TOM1L1: variants seen among roughly 807,000 people sequenced by gnomAD.
The protein encoded by TOM1L1 is TOM1-like protein 1.
Under a neutral mutation model 63.4 loss-of-function variants are expected in TOM1L1, and 64 were observed. That is an observed-to-expected ratio of 1.01 (90% confidence interval 0.83 to 1.24). The LOEUF (loss-of-function observed/expected upper bound fraction) is 1.24. Among genes scored for constraint, TOM1L1 ranks in the 50% most tolerant of loss-of-function variants. The pLI is 0.00. For missense variants in TOM1L1, 536 were observed against 567.0 expected (o/e 0.95, Z 0.55); for synonymous variants, 166 against 194.4 (o/e 0.85, Z 1.22).
chr17:54,947,637 G>A (rs2049142002), intron 12 of TOM1L1, among the ~76,000 whole-genome samples: 1 of 152,158 alleles, frequency 6.6e-6, no homozygotes, highest in African/African-American at 2.4e-5. Context: ...AAATGACAAA[G>A]TTGATCACTT....
chr17:54,952,648 G>A (rs1425846177), intron 14 of TOM1L1: 3 of 151,960 alleles, frequency 2.0e-5, no homozygotes, highest in Non-Finnish European at 2.9e-5. Flanking sequence ...TTCCCCTGAG[G>A]TATTTATTCA....
At chr17:54,906,242 G>T (rs969387031) in intron 3 of TOM1L1, among the ~76,000 whole-genome samples, 2 of 152,182 alleles carry the variant, frequency 1.3e-5, no homozygotes, top group African/African-American at 4.8e-5. Flanking sequence ...GCCGAGGCAG[G>T]TGGATCACCT....
intron 2 of TOM1L1, among the ~76,000 whole-genome samples, chr17:54,904,241 G>C (rs1020532928): frequency 5.3e-5 from 8 of 152,028 alleles, no homozygotes; most frequent in Admixed American, 4.6e-4. Context: ...ATGGTGGCGG[G>C]TGCCTGTAGT....
intron 10 of TOM1L1, chr17:54,938,039 G>A (rs2048977751): frequency 6.6e-6 from 1 of 152,068 alleles, no homozygotes; most frequent in Non-Finnish European, 1.5e-5. Flanking sequence ...CTGAATTTGT[G>A]GTTTTCTTAG....
At chr17:54,914,773 A>T in intron 6 of TOM1L1, 30 bp downstream of exon 6, 1 of 1,532,696 alleles carries the variant, frequency 6.5e-7, no homozygotes, top group Non-Finnish European at 9.0e-7. Flanking sequence ...CATTTAATTG[A>T]TGTCTTTTCC....
chr17:54,960,479 T>G, intron 14 of TOM1L1, 87 bp from the exon 15 acceptor site: 3 of 975,048 alleles, frequency 3.1e-6, no homozygotes, highest in Non-Finnish European at 5.0e-6. Flanking sequence ...ACCAGCTCAA[T>G]TTTTAATTAC....
At chr17:54,945,590 TG>T (rs2049105179) in intron 11 of TOM1L1, among the ~76,000 whole-genome samples, 1 of 152,218 alleles carries the variant, frequency 6.6e-6, no homozygotes, top group Admixed American at 6.5e-5. Context: ...CTGTTTAGAT[TG>T]GACACTTTCT....
chr17:54,920,996 T>G (rs1442919197), intron 7 of TOM1L1, among the ~76,000 whole-genome samples: 2 of 151,518 alleles, frequency 1.3e-5, no homozygotes, highest in African/African-American at 2.4e-5. Context: ...GGGGCTGAGG[T>G]TTTTCTGATT....
chr17:54,957,360 G>T (rs2049567502), intron 14 of TOM1L1: 1 of 152,176 alleles, frequency 6.6e-6, no homozygotes, highest in Non-Finnish European at 1.5e-5. Flanking sequence ...ATATATCACT[G>T]ATCATATTAG....
intron 11 of TOM1L1, among the ~76,000 whole-genome samples, chr17:54,946,654 A>C (rs2049124279): frequency 6.6e-6 from 1 of 152,154 alleles, no homozygotes. Flanking sequence ...CTGCTTCTTG[A>C]GTGAGAATGA....
chr17:54,914,857 CAGAGGAAG>C lies in TOM1L1; in HGVS notation c.603+118_603+125del. The C allele has an allele frequency of 6.0e-6, 5 of 837,560 alleles. No individual in the cohort carries two copies. The South Asian group carries it at 7.2e-5, about 12-fold the overall frequency. 51.9% of individuals were successfully genotyped at this position (837,560 alleles called of 1,614,324 possible). Reference sequence around the variant, plus strand: ...TTGAGATGTAGGTACACTCATTTCACAGAGGAAGAGACTGAGGCTTAGTAATACTATGT... The same window carrying C: ...TTGAGATGTAGGTACACTCATTTCACAGACTGAGGCTTAGTAATACTATGT... On this transcript the variant is annotated intron_variant, in intron 6 of 15. Coordinates refer to ENST00000575882, the MANE Select transcript of TOM1L1 (RefSeq NM_005486.3).
chr17:54,941,975 G>C (rs1328995291), intron 11 of TOM1L1, among the ~76,000 whole-genome samples: 2 of 152,148 alleles, frequency 1.3e-5, no homozygotes, highest in African/African-American at 4.8e-5. Context: ...ATAATGTTGA[G>C]ATTTTTTCCA....
intron 1 of TOM1L1, 145 bp downstream of exon 1, chr17:54,901,068 C>A (rs1464256164): frequency 1.0e-5 from 11 of 1,071,026 alleles, no homozygotes; most frequent in African/African-American, 1.6e-5. Flanking sequence ...CCAAGGCACC[C>A]GCATTCCACC....
chr17:54,917,972 A>T (rs1315917160), intron 7 of TOM1L1, among the ~76,000 whole-genome samples: 1 of 152,104 alleles, frequency 6.6e-6, no homozygotes, highest in Non-Finnish European at 1.5e-5. Flanking sequence ...CTCCTTTCTC[A>T]GCTATCTGGT....
chr17:54,907,883 A>C (rs762176620), intron 3 of TOM1L1, among the ~76,000 whole-genome samples: 2 of 152,180 alleles, frequency 1.3e-5, no homozygotes, highest in Admixed American at 1.3e-4. Flanking sequence ...CATTGTGCCC[A>C]GCCTACTTGA....
intron 6 of TOM1L1, among the ~76,000 whole-genome samples, chr17:54,915,230 A>G (rs1000807513): frequency 6.6e-6 from 1 of 152,108 alleles, no homozygotes; most frequent in Admixed American, 6.5e-5. Flanking sequence ...ATAATTGAAG[A>G]TTTTGTTGTA....
intron 14 of TOM1L1, chr17:54,953,776 A>G (rs2049353002): frequency 6.6e-6 from 1 of 152,122 alleles, no homozygotes; most frequent in South Asian, 2.1e-4. Flanking sequence ...GGAGATGTCT[A>G]CCAGTTGGAA....
At chr17:54,910,861 A>G (rs2143760687) in intron 3 of TOM1L1, among the ~76,000 whole-genome samples, 1 of 152,318 alleles carries the variant, frequency 6.6e-6, no homozygotes, top group South Asian at 2.1e-4. Context: ...CTTAAACGCT[A>G]TATGCTGCCG....
Position 54,949,639 on chromosome 17 carries a change from T to C in TOM1L1, c.1288+16T>C. ...AATCATCCAGGTACATGGGACCTTA[T>C]TATTCGCATCAAATAAGGAAACTTA... On this transcript the variant is annotated intron_variant, in intron 13 of 15. Coordinates refer to ENST00000575882, the MANE Select transcript of TOM1L1 (RefSeq NM_005486.3). 1 of 1,583,740 alleles carries C rather than the reference T, an allele frequency of 6.3e-7. No homozygotes were observed. Among genetic ancestry groups the C allele is most frequent in the South Asian group, 1.1e-5 (1 of 90,364 alleles).
Sources: allele counts gnomAD v4.1 joint callset (sites outside exome capture counted in the v4.1 genomes callset), GRCh38; gene constraint gnomAD v4.1.1; transcripts MANE v1.5; gene names NCBI Gene and HGNC (gene_info 2026-07-23, HGNC 2026-07-21).